The following BDH2 variants were observed in gnomAD, a reference collection of about 807,000 sequenced individuals.
BDH2 encodes dehydrogenase/reductase SDR family member 6.
A neutral mutation model predicts 33.2 loss-of-function variants in BDH2; 24 were observed. The ratio of observed to expected loss-of-function variants is 0.72; its 90% confidence interval spans 0.52 to 1.02. The LOEUF (loss-of-function observed/expected upper bound fraction) is 1.02. BDH2 is among the 50% of genes least tolerant of loss of function. The pLI is 0.00. For missense variants in BDH2, 249 were observed against 301.6 expected, an observed-to-expected ratio of 0.83 and a Z score of 1.29; for synonymous variants, 81 against 101.6, an observed-to-expected ratio of 0.80 and a Z score of 1.22.
At chr4:103,099,580 G>A (rs1397920311) in intron 1 of BDH2, among the ~76,000 whole-genome samples, 2 of 152,116 alleles carry the variant, frequency 1.3e-5, no homozygotes, top group African/African-American at 4.8e-5. Context: ...TTAGGATACC[G>A]TAAGAATCCT....
chr4:103,092,353 T>C (rs1432142680), intron 4 of BDH2: 6 of 497,728 alleles, frequency 1.2e-5, no homozygotes, highest in Non-Finnish European at 2.2e-5. Context: ...TAACACATAA[T>C]ACAGCTTTGT....
At chr4:103,087,474 G>A (rs12500951) in intron 5 of BDH2, among the ~76,000 whole-genome samples, 1 of 152,118 alleles carries the variant, frequency 6.6e-6, no homozygotes, top group Non-Finnish European at 1.5e-5. Flanking sequence ...AGGAGGAGAG[G>A]GCTGAGGCAG....
At chr4:103,091,585 T>A in intron 4 of BDH2, 1 of 388,230 alleles carries the variant, frequency 2.6e-6, no homozygotes, top group Non-Finnish European at 5.0e-6. Context: ...AAACAACAAA[T>A]AAAGGCGAAC....
intron 1 of BDH2, among the ~76,000 whole-genome samples, chr4:103,096,515 G>T (rs935096935): frequency 2.0e-5 from 3 of 150,822 alleles, no homozygotes; most frequent in African/African-American, 7.3e-5. Flanking sequence ...GTAATGACTG[G>T]TGACAGACAT....
chr4:103,087,017 C>T (rs995391303), intron 5 of BDH2, among the ~76,000 whole-genome samples: 1 of 152,016 alleles, frequency 6.6e-6, no homozygotes, highest in African/African-American at 2.4e-5. Flanking sequence ...CAGCAGAGAC[C>T]TCCACAGAGA....
intron 5 of BDH2, among the ~76,000 whole-genome samples, chr4:103,090,058 TCTC>T (rs1484336973): frequency 1.3e-5 from 2 of 152,164 alleles, no homozygotes; most frequent in African/African-American, 4.8e-5. Context: ...ACAAAGCTCT[TCTC>T]CTGCCCAGAC....
intron 3 of BDH2, among the ~76,000 whole-genome samples, chr4:103,094,384 T>C (rs1430688311): frequency 1.3e-5 from 2 of 152,186 alleles, no homozygotes; most frequent in Non-Finnish European, 2.9e-5. Flanking sequence ...TATTGTATAC[T>C]TGAAATTTGC....
intron 5 of BDH2, among the ~76,000 whole-genome samples, chr4:103,086,965 A>G (rs1361551188): frequency 6.6e-6 from 1 of 152,186 alleles, no homozygotes; most frequent in Admixed American, 6.5e-5. Flanking sequence ...ACAGGAGGCA[A>G]CCAGTCTGGT....
chr4:103,097,650 A>G (rs1748475036), intron 1 of BDH2: 1 of 152,252 alleles, frequency 6.6e-6, no homozygotes, highest in Admixed American at 6.5e-5. Flanking sequence ...CTATTTAAGA[A>G]GGAAACCTTC....
chr4:103,092,680 G>A lies in BDH2; in HGVS notation c.168C>T (p.Val56=). ...TTTGTTTCTTCTTTGTGACATCAAG[G>A]ACACGAGTTTGAATACCTGAAAAAT... ...LEKYPGIQTR[V]LDVTKKKQID... Residue 56 remains valine, a synonymous_variant, in exon 4 of 10, where the codon GTC becomes GTT. Coordinates refer to ENST00000296424, the MANE Select transcript of BDH2 (RefSeq NM_020139.4). 1.2e-6 allele frequency: 2 copies of A among 1,611,820 alleles called. No homozygotes were observed. The highest frequency in any genetic ancestry group is 2.2e-5 in the East Asian group (1 of 44,804).
chr4:103,086,160 T>G, intron 6 of BDH2: 1 of 1,130,778 alleles, frequency 8.8e-7, no homozygotes, highest in Non-Finnish European at 1.1e-6. Context: ...CCAGAGCACA[T>G]ACCGGTGCTC....
chr4:103,093,596 C>A (rs2125810442), intron 3 of BDH2, among the ~76,000 whole-genome samples: 2 of 146,096 alleles, frequency 1.4e-5, no homozygotes, highest in South Asian at 2.1e-4. Flanking sequence ...ATAATATATA[C>A]AATGTATTAA....
At chr4:103,087,121 G>A (rs1233673240) in intron 5 of BDH2, among the ~76,000 whole-genome samples, 1 of 152,136 alleles carries the variant, frequency 6.6e-6, no homozygotes, top group Non-Finnish European at 1.5e-5. Context: ...GCTGAATTTT[G>A]AACACTAGAG....
intron 7 of BDH2, among the ~76,000 whole-genome samples, chr4:103,083,474 A>C (rs1349924360): frequency 6.6e-6 from 1 of 152,180 alleles, no homozygotes; most frequent in Non-Finnish European, 1.5e-5. Flanking sequence ...CATTGTTTCA[A>C]ATGCCTACTT....
chr4:103,090,625 A>G (rs533166414), intron 5 of BDH2, among the ~76,000 whole-genome samples: 31 of 152,308 alleles, frequency 2.0e-4, no homozygotes, highest in African/African-American at 6.7e-4. Flanking sequence ...CATCTTCTGA[A>G]CAATGGATGA....
At position 103,096,380 on chromosome 4, in the gene BDH2, G is replaced by A; in HGVS notation, c.-20-106C>T. On this transcript the variant is annotated intron_variant, in intron 1 of 9. Coordinates refer to ENST00000296424, the MANE Select transcript of BDH2 (RefSeq NM_020139.4). Reference sequence around the variant, plus strand: ...TGTGCTCTTTTAAGAATAATTTAGTGAGCTCCTTCAGGAACTTGAAGACAG... The same window carrying A: ...TGTGCTCTTTTAAGAATAATTTAGTAAGCTCCTTCAGGAACTTGAAGACAG... 4.5e-6 allele frequency: 3 copies of A among 665,068 alleles called. No individual in the cohort carries two copies. The South Asian group carries it at 6.9e-5, about 15-fold the overall frequency. The allele number at this position is 665,068 out of a possible 1,614,324, so 41.2% of individuals were successfully genotyped here.
intron 9 of BDH2, 54 bp from the exon 10 acceptor site, chr4:103,079,809 G>A: frequency 6.4e-7 from 1 of 1,554,668 alleles, no homozygotes; most frequent in South Asian, 1.1e-5. Context: ...GATACAGGCT[G>A]TATTTTGAAA....
At chr4:103,091,607 T>G in intron 4 of BDH2, 1 of 426,220 alleles carries the variant, frequency 2.3e-6, no homozygotes, top group South Asian at 1.7e-5. Context: ...GGGCTAGGCA[T>G]GGTAGCACAC....
Position 103,086,402 on chromosome 4 carries a change from T to C in BDH2, c.418+78A>G, listed in dbSNP as rs1747781853. 1.9e-5 allele frequency: 29 copies of C among 1,530,118 alleles called. 1 individual carries two copies. The South Asian group carries it at 3.6e-4, about 19-fold the overall frequency. The allele number at this position is 1,530,118 out of a possible 1,614,324, so 94.8% of individuals were successfully genotyped here. On this transcript the variant is annotated intron_variant, in intron 6 of 9. Coordinates refer to ENST00000296424, the MANE Select transcript of BDH2 (RefSeq NM_020139.4). Reference sequence around the variant, plus strand: ...CAATACTTGAAATTATAATCTCTGCTATGCCTGTTCCCAAACGCAGAGCTC... The same window carrying C: ...CAATACTTGAAATTATAATCTCTGCCATGCCTGTTCCCAAACGCAGAGCTC...
Sources: gnomAD v4.1 joint callset for allele counts (sites outside exome capture counted in the v4.1 genomes callset) on GRCh38, gnomAD v4.1.1 for gene constraint, MANE v1.5 for transcripts, NCBI Gene and HGNC (gene_info 2026-07-23, HGNC 2026-07-21) for gene names.